Variants in DLGAP2 observed in about 807,000 individuals in gnomAD.
The protein encoded by DLGAP2 is DLG associated protein 2, also known as disks large-associated protein 2.
Under a neutral mutation model 100.3 loss-of-function variants are expected in DLGAP2, and 26 were observed. That is an observed-to-expected ratio of 0.26 (90% CI 0.19 to 0.36). The LOEUF (loss-of-function observed/expected upper bound fraction) is 0.36, where lower values mean the gene tolerates loss of function less well. Among genes scored for constraint, DLGAP2 ranks in the 10% least tolerant of loss-of-function variants. The pLI is 1.00. For synonymous variants in DLGAP2, 886 were observed against 630.1 expected, an observed-to-expected ratio of 1.41 and a Z score of -6.08; for missense variants, 1,858 against 1,453.2, an observed-to-expected ratio of 1.28 and a Z score of -4.53.
intron 2 of DLGAP2, among the ~76,000 whole-genome samples, chr8:1,052,087 G>A (rs1251549193): frequency 2.6e-5 from 4 of 152,164 alleles, no homozygotes; most frequent in African/African-American, 9.7e-5. Flanking sequence ...GCACACTGAC[G>A]TTGTTCTCCT....
chr8:1,436,315 C>G (rs1159308756), intron 3 of DLGAP2, among the ~76,000 whole-genome samples: 2 of 152,202 alleles, frequency 1.3e-5, no homozygotes, highest in African/African-American at 4.8e-5. Context: ...AACTTGGAGT[C>G]TGATGTTCAA....
intron 2 of DLGAP2, among the ~76,000 whole-genome samples, chr8:1,200,686 A>T (rs906007035): frequency 2.5e-4 from 38 of 151,506 alleles, no homozygotes; most frequent in Admixed American, 6.6e-4. Flanking sequence ...ACAGCCCTTG[A>T]CCTTCAAAGG....
rs1796955969 is a variant in DLGAP2, at chr8:1,164,173, ATTT to A, written c.74-94676_74-94674del. On this transcript the variant is annotated intron_variant, in intron 2 of 14. Transcript: ENST00000637795. Reference sequence around the variant, plus strand: ...TTCTGTGAGCCCCCCAGGGCCCGTCATTTTGGTTTGTGGGGATTTTTCTGTGAG... The same window carrying A: ...TTCTGTGAGCCCCCCAGGGCCCGTCATGGTTTGTGGGGATTTTTCTGTGAG... Among the ~76,000 whole-genome samples the A allele has an allele frequency of 8.9e-4, 25 of 28,066 alleles. 3 individuals carry two copies. The highest frequency in any genetic ancestry group is 4.1e-3 in the African/African-American group (23 of 5,638). The allele number at this position is 28,066 out of a possible 152,430, so 18.4% of individuals were successfully genotyped here. A position where few individuals can be genotyped will look rare whatever the true frequency, so the allele number is the denominator to read the frequency against.
At chr8:1,167,033 G>C (rs1797030131) in intron 2 of DLGAP2, among the ~76,000 whole-genome samples, 1 of 152,128 alleles carries the variant, frequency 6.6e-6, no homozygotes, top group Non-Finnish European at 1.5e-5. Flanking sequence ...CTAATCTGTA[G>C]GCTGAGGTGG....
intron 3 of DLGAP2, among the ~76,000 whole-genome samples, chr8:1,367,697 G>T (rs1802139084): frequency 6.6e-6 from 1 of 152,200 alleles, no homozygotes; most frequent in African/African-American, 2.4e-5. Context: ...TTGTAACAAA[G>T]AGTGTTTAAT....
intron 3 of DLGAP2, among the ~76,000 whole-genome samples, chr8:1,282,398 G>A (rs1220292628): frequency 7.0e-6 from 1 of 142,904 alleles, no homozygotes; most frequent in East Asian, 2.2e-4. Context: ...TCCAGACGTG[G>A]TGTGACCTGA....
intron 1 of DLGAP2, among the ~76,000 whole-genome samples, chr8:904,320 G>C (rs1798330263): frequency 6.6e-6 from 1 of 152,192 alleles, no homozygotes; most frequent in African/African-American, 2.4e-5. Flanking sequence ...AGGAATTTGA[G>C]ACCAGCTTGG....
intron 2 of DLGAP2, among the ~76,000 whole-genome samples, chr8:1,142,890 G>T (rs2129050676): frequency 6.6e-6 from 1 of 152,268 alleles, no homozygotes; most frequent in Non-Finnish European, 1.5e-5. Flanking sequence ...GCACACCCAG[G>T]TTTCCGAAAA....
intron 1 of DLGAP2, among the ~76,000 whole-genome samples, chr8:848,294 A>G (rs552653244): frequency 3.2e-4 from 49 of 151,072 alleles, no homozygotes; most frequent in African/African-American, 1.2e-3. Flanking sequence ...TCCAATATAG[A>G]AACGTGCGGT....
chr8:943,640 G>A (rs62486419), intron 2 of DLGAP2, among the ~76,000 whole-genome samples: 294 of 151,866 alleles, frequency 1.9e-3, no homozygotes, highest in Non-Finnish European at 3.0e-3. Flanking sequence ...GTCGTGATGT[G>A]GCCATCCCGC....
intron 2 of DLGAP2, among the ~76,000 whole-genome samples, chr8:990,001 C>T (rs1272883572): frequency 1.3e-5 from 2 of 152,076 alleles, no homozygotes; most frequent in Non-Finnish European, 2.9e-5. Flanking sequence ...GCCTCTCTTG[C>T]CGCTCCCAGC....
chr8:1,461,028 G>T (rs1270016342), intron 3 of DLGAP2, among the ~76,000 whole-genome samples: 1 of 152,166 alleles, frequency 6.6e-6, no homozygotes, highest in African/African-American at 2.4e-5. Flanking sequence ...ACGTGGGCTG[G>T]GCACAGTCGC....
chr8:1,487,954 T>G (rs1196381572), intron 3 of DLGAP2, among the ~76,000 whole-genome samples: 3 of 152,210 alleles, frequency 2.0e-5, no homozygotes, highest in East Asian at 1.9e-4. Flanking sequence ...CCCGGGACAT[T>G]CACTGTGAGG....
At chr8:1,326,594 G>A (rs1344414754) in intron 3 of DLGAP2, among the ~76,000 whole-genome samples, 2 of 152,190 alleles carry the variant, frequency 1.3e-5, no homozygotes, top group East Asian at 1.9e-4. Flanking sequence ...CTCAGGACAC[G>A]GCGCGTGCTC....
chr8:1,601,671 C>T (rs529516242), intron 6 of DLGAP2, among the ~76,000 whole-genome samples: 4 of 152,228 alleles, frequency 2.6e-5, no homozygotes, highest in South Asian at 2.1e-4. Flanking sequence ...GGAGCCTCTC[C>T]GCCTCGGCCC....
chr8:1,278,413 T>C (rs1799749717), intron 3 of DLGAP2, among the ~76,000 whole-genome samples: 1 of 152,206 alleles, frequency 6.6e-6, no homozygotes, highest in African/African-American at 2.4e-5. Context: ...TTACTTTACC[T>C]GTTGTTGGTT....
rs190886489 is a variant in DLGAP2, at chr8:1,671,531, G to A, written c.2202+1747G>A. 1.6e-4 allele frequency among the ~76,000 whole-genome samples: 25 copies of A among 152,294 alleles called. 1 individual carries two copies. In the East Asian group the frequency reaches 3.9e-3, roughly 24 times the overall value. ...GACAGCTCCAGGAGGGTCCTGTCCC[G>A]GGGTGGGGGGTCCTGTCCCACAATG... On this transcript the variant is annotated intron_variant, in intron 10 of 14. Coordinates refer to ENST00000637795, the MANE Select transcript of DLGAP2 (RefSeq NM_001346810.2).
chr8:1,157,498 G>T (rs1230197603), intron 2 of DLGAP2, among the ~76,000 whole-genome samples: 1 of 152,066 alleles, frequency 6.6e-6, no homozygotes, highest in African/African-American at 2.4e-5. Context: ...AGCCCCTGAA[G>T]ACCCATCTTA....
At chr8:1,121,391 C>G (rs1243415933) in intron 2 of DLGAP2, among the ~76,000 whole-genome samples, 1 of 151,748 alleles carries the variant, frequency 6.6e-6, no homozygotes, top group Non-Finnish European at 1.5e-5. Flanking sequence ...CTTTAGAAAC[C>G]CTGACCACCC....
Sources: gnomAD v4.1 joint callset for allele counts (sites outside exome capture counted in the v4.1 genomes callset) on GRCh38, gnomAD v4.1.1 for gene constraint, MANE v1.5 for transcripts, NCBI Gene and HGNC (gene_info 2026-07-23, HGNC 2026-07-21) for gene names.